ZBTB38: variants seen among roughly 807,000 people sequenced by gnomAD.
The protein encoded by ZBTB38 is zinc finger and BTB domain-containing protein 38.
A neutral mutation model predicts 76.8 loss-of-function variants in ZBTB38; 20 were observed. The observed-to-expected ratio is 0.26, with a 90% CI of 0.18 to 0.38. ZBTB38 has a LOEUF of 0.38. Ranked by LOEUF, ZBTB38 falls within the 10% of genes least tolerant of loss-of-function variation. ZBTB38 has a pLI of 1.00. For synonymous variants in ZBTB38, 504 were observed against 544.2 expected (o/e 0.93, Z 1.03); for missense variants, 1,082 against 1,482.3 (o/e 0.73, Z 4.43).
intron 5 of ZBTB38, among the ~76,000 whole-genome samples, chr3:141,410,083 G>T (rs894770431): frequency 6.6e-6 from 1 of 152,206 alleles, no homozygotes; most frequent in Admixed American, 6.5e-5. Context: ...GCTCTAAGGT[G>T]TAGTACTTTA....
At chr3:141,354,572 C>T (rs1211180001) in intron 1 of ZBTB38, among the ~76,000 whole-genome samples, 1 of 152,048 alleles carries the variant, frequency 6.6e-6, no homozygotes, top group Non-Finnish European at 1.5e-5. Flanking sequence ...CTGACTGGTC[C>T]AGTCCTTGTA....
intron 1 of ZBTB38, among the ~76,000 whole-genome samples, chr3:141,360,534 C>T (rs1236179083): frequency 1.3e-5 from 2 of 152,124 alleles, no homozygotes; most frequent in Non-Finnish European, 2.9e-5. Context: ...TTATATTACT[C>T]TTATTTATGA....
chr3:141,358,203 G>T (rs1310512263), intron 1 of ZBTB38, among the ~76,000 whole-genome samples: 2 of 152,182 alleles, frequency 1.3e-5, no homozygotes, highest in African/African-American at 2.4e-5. Flanking sequence ...GGTGCAAGGG[G>T]CATTTCTGCC....
chr3:141,329,404 C>G (rs1434775940), intron 1 of ZBTB38, among the ~76,000 whole-genome samples: 1 of 152,172 alleles, frequency 6.6e-6, no homozygotes, highest in South Asian at 2.1e-4. Context: ...TTATTTCCCT[C>G]GGAGCGGCAC....
At chr3:141,360,459 C>A (rs886159587) in intron 1 of ZBTB38, among the ~76,000 whole-genome samples, 1 of 152,090 alleles carries the variant, frequency 6.6e-6, no homozygotes, top group Non-Finnish European at 1.5e-5. Context: ...TAATCAACCA[C>A]CAAAGATTTT....
chr3:141,340,115 G>A (rs1943129163), intron 1 of ZBTB38, among the ~76,000 whole-genome samples: 1 of 152,192 alleles, frequency 6.6e-6, no homozygotes, highest in Admixed American at 6.5e-5. Flanking sequence ...CGCAAACTTA[G>A]AGATGACCAA....
chr3:141,400,333 T>C (rs1271484798), intron 4 of ZBTB38, among the ~76,000 whole-genome samples: 2 of 152,224 alleles, frequency 1.3e-5, no homozygotes, highest in African/African-American at 2.4e-5. Context: ...CATTTGGCTC[T>C]AATAAGAAAG....
In ZBTB38 at chr3:141,371,045, C is replaced by CTTTTTTTTTTTTTTTTTTTTTTTTTTTT. The variant is rs754872291; in HGVS notation, c.-235+1125_-235+1126insTTTTTTTTTTTTTTTTTTTTTTTTTTTT. On this transcript the variant is annotated intron_variant, in intron 2 of 5. Transcript: ENST00000321464. The stretch of plus-strand genomic sequence containing the variant: ...GTTTTTTCTTTTCTTTTCTTTCTTT[C>CTTTTTTTTTTTTTTTTTTTTTTTTTTTT]TTTTTTTTTTTTTTTTTTTTTTTTT... Among the ~76,000 whole-genome samples the CTTTTTTTTTTTTTTTTTTTTTTTTTTTT allele has an allele frequency of 9.6e-4, 69 of 72,010 alleles. 9 individuals carry two copies. Among genetic ancestry groups the CTTTTTTTTTTTTTTTTTTTTTTTTTTTT allele is most frequent in the African/African-American group, 1.8e-3 (23 of 12,860 alleles). 47.2% of individuals were successfully genotyped at this position (72,010 alleles called of 152,430 possible).
rs1200786803 is a variant in ZBTB38 at position 141,449,542 on chromosome 3, G to A, written c.*3566G>A. On this transcript the variant is annotated 3_prime_UTR_variant, in exon 6 of 6. Transcript: ENST00000321464. Reference sequence around the variant, plus strand: ...TTGCAAATGCCTGCAGTTTGTCCCAGTGGGCAATGTGAGAGGGGATGTCGG... The same window carrying A: ...TTGCAAATGCCTGCAGTTTGTCCCAATGGGCAATGTGAGAGGGGATGTCGG... 1 of 152,156 alleles carries A rather than the reference G, an allele frequency of 6.6e-6. No individual in the cohort carries two copies. The highest frequency in any genetic ancestry group is 1.5e-5 in the Non-Finnish European group (1 of 68,044). The allele number at this position is 152,156 out of a possible 1,614,324, so 9.4% of individuals were successfully genotyped here. A position where few individuals can be genotyped will look rare whatever the true frequency, so the allele number is the denominator to read the frequency against.
chr3:141,350,839 T>C (rs1354276435), intron 1 of ZBTB38, among the ~76,000 whole-genome samples: 1 of 152,218 alleles, frequency 6.6e-6, no homozygotes, highest in Non-Finnish European at 1.5e-5. Context: ...GTAAGAACAT[T>C]CCTTTCCTCT....
At position 141,443,009 on chromosome 3, in the gene ZBTB38, C is replaced by T. The variant is rs1424502411; in HGVS notation, c.621C>T (p.Asp207=). ...CTAGCCTTTGCCTGGAGAGGACGGA[C>T]GTCTGCCACGAGGCAGAGCCTGTCC... The part of the protein sequence containing the change: ...RTASLCLERT[D]VCHEAEPVRT... The change falls in exon 6 of 6, where the codon GAC becomes GAT. Residue 207 remains aspartate, a synonymous_variant. Coordinates refer to ENST00000321464, the MANE Select transcript of ZBTB38 (RefSeq NM_001376113.1). The surrounding 1 kb of genome is among the most constrained non-coding windows in gnomAD (Gnocchi z 5.6). 9.9e-6 allele frequency: 16 copies of T among 1,614,116 alleles called. No homozygotes were observed. Among genetic ancestry groups the T allele is most frequent in the South Asian group, 4.4e-5 (4 of 91,092 alleles).
chr3:141,399,501 T>G (rs1951218539), intron 4 of ZBTB38, among the ~76,000 whole-genome samples: 1 of 152,126 alleles, frequency 6.6e-6, no homozygotes, highest in Non-Finnish European at 1.5e-5. Flanking sequence ...AAAAAATGAT[T>G]TGGAAAGAGA....
In ZBTB38 at chr3:141,445,798, C is replaced by T; in HGVS notation, c.3410C>T (p.Ala1137Val). ...CAGTGCCCCAAAATTTGCAAAACAG[C>T]TGCTGCCCTTGGAATGCACCAAAAG... ...CFQCPKICKTAAALGMHQKKH... is the reference protein window; with the variant it reads ...CFQCPKICKTVAALGMHQKKH... Residue 1137 changes from alanine (A) to valine (V), a missense_variant, in exon 6 of 6, where the codon GCT becomes GTT. By Grantham distance (64) the Ala-to-Val change is moderately conservative. Transcript: ENST00000321464. The surrounding 1 kb of genome is among the most constrained non-coding windows in gnomAD (Gnocchi z 6.5). 1 of 1,614,194 alleles carries T rather than the reference C, an allele frequency of 6.2e-7. No homozygotes were observed. The highest frequency in any genetic ancestry group is 8.5e-7 in the Non-Finnish European group (1 of 1,180,036).
upstream of ZBTB38, among the ~76,000 whole-genome samples, chr3:141,364,780 T>C (rs1368738121): frequency 7.1e-6 from 1 of 141,502 alleles, no homozygotes; most frequent in African/African-American, 2.6e-5. Flanking sequence ...ACCAATAAGC[T>C]CCTGAAAACA....
chr3:141,423,505 C>T (rs2075817319), intron 5 of ZBTB38, among the ~76,000 whole-genome samples: 1 of 152,104 alleles, frequency 6.6e-6, no homozygotes, highest in African/African-American at 2.4e-5. Context: ...GTGCATACAG[C>T]CAGCAAGTTA....
intron 4 of ZBTB38, among the ~76,000 whole-genome samples, chr3:141,392,407 T>A (rs1172207902): frequency 1.3e-5 from 2 of 152,240 alleles, no homozygotes; most frequent in African/African-American, 4.8e-5. Context: ...CCTATGAAAC[T>A]GCAGTCCAGG....
intron 4 of ZBTB38, among the ~76,000 whole-genome samples, chr3:141,401,577 T>C (rs527290989): frequency 2.5e-4 from 38 of 151,876 alleles, no homozygotes; most frequent in South Asian, 8.4e-4. Context: ...ACGTAAAGAA[T>C]TGACTTTTTA....
At chr3:141,392,887 T>A (rs555708879) in intron 4 of ZBTB38, 4 of 152,244 alleles carry the variant, frequency 2.6e-5, no homozygotes, top group Admixed American at 2.6e-4. Flanking sequence ...CAGAGACCAG[T>A]TGCAAAATCA....
At chr3:141,416,273 C>G (rs1227711123) in intron 5 of ZBTB38, among the ~76,000 whole-genome samples, 2 of 152,208 alleles carry the variant, frequency 1.3e-5, no homozygotes, top group Non-Finnish European at 2.9e-5. Flanking sequence ...GCCTTTTCAG[C>G]CCTTCCAAGT....
Sources: allele counts gnomAD v4.1 joint callset (sites outside exome capture counted in the v4.1 genomes callset), GRCh38; gene constraint gnomAD v4.1.1; non-coding constraint Gnocchi (gnomAD v3.1); transcripts MANE v1.5; gene names NCBI Gene and HGNC (gene_info 2026-07-23, HGNC 2026-07-21).